EXT1: variants seen among roughly 807,000 people sequenced by gnomAD.
EXT1 encodes the protein exostosin glycosyltransferase 1, also known as exostosin-1.
Under a neutral mutation model 82.5 loss-of-function variants are expected in EXT1, and 20 were observed. The observed-to-expected ratio is 0.24, with a 90% CI of 0.17 to 0.35. The LOEUF (loss-of-function observed/expected upper bound fraction) is 0.35, where lower values mean the gene tolerates loss of function less well. Among genes scored for constraint, EXT1 ranks in the 10% least tolerant of loss-of-function variants. The pLI, the probability that EXT1 is intolerant of heterozygous loss-of-function variation, is 1.00. For missense variants in EXT1, 757 were observed against 936.5 expected (o/e 0.81, Z 2.50); for synonymous variants, 348 against 350.8 (o/e 0.99, Z 0.09).
chr8:117,848,886 AC>A (rs992568310), intron 1 of EXT1, among the ~76,000 whole-genome samples: 2 of 151,900 alleles, frequency 1.3e-5, no homozygotes, highest in Non-Finnish European at 1.5e-5. Context: ...TTCAAATGTC[AC>A]CCCCCCAGTC....
chr8:118,057,266 G>A (rs1008524248), intron 1 of EXT1, among the ~76,000 whole-genome samples: 7 of 152,188 alleles, frequency 4.6e-5, no homozygotes, highest in African/African-American at 1.4e-4. Flanking sequence ...TTGGCCAGGC[G>A]CAATGGCTCA....
chr8:117,844,882 A>G (rs1211437197), intron 1 of EXT1, among the ~76,000 whole-genome samples: 1 of 149,772 alleles, frequency 6.7e-6, no homozygotes, highest in East Asian at 2.0e-4. Context: ...TACTCAAGAC[A>G]GTTTTTTGCC....
chr8:118,047,217 GA>G (rs759001050), intron 1 of EXT1, among the ~76,000 whole-genome samples: 1 of 152,102 alleles, frequency 6.6e-6, no homozygotes, highest in Non-Finnish European at 1.5e-5. Context: ...TGGAGTGAAG[GA>G]ACCTGCATTG....
At chr8:118,091,898 T>C (rs1323811291) in intron 1 of EXT1, among the ~76,000 whole-genome samples, 1 of 152,178 alleles carries the variant, frequency 6.6e-6, no homozygotes, top group African/African-American at 2.4e-5. Context: ...TTTTCTGCAC[T>C]AAAAGGCCAC....
At chr8:117,957,371 G>A (rs1814608561) in intron 1 of EXT1, among the ~76,000 whole-genome samples, 1 of 152,208 alleles carries the variant, frequency 6.6e-6, no homozygotes, top group South Asian at 2.1e-4. Flanking sequence ...CCTCTAAAGA[G>A]ATGCTGGGGC....
At chr8:118,086,921 G>A (rs975648355) in intron 1 of EXT1, among the ~76,000 whole-genome samples, 2 of 152,152 alleles carry the variant, frequency 1.3e-5, no homozygotes, top group African/African-American at 4.8e-5. Context: ...AAAACCCCGT[G>A]TTTTGATTCA....
At chr8:117,897,211 G>A (rs1273232995) in intron 1 of EXT1, among the ~76,000 whole-genome samples, 1 of 152,332 alleles carries the variant, frequency 6.6e-6, no homozygotes, top group East Asian at 1.9e-4. Flanking sequence ...GTAACCTAGA[G>A]CTTGTAGAAA....
chr8:117,901,719 C>T (rs544159270), intron 1 of EXT1, among the ~76,000 whole-genome samples: 12 of 152,088 alleles, frequency 7.9e-5, no homozygotes, highest in African/African-American at 2.9e-4. Flanking sequence ...TGTTTTGAGA[C>T]AGGATGTCAC....
intron 1 of EXT1, among the ~76,000 whole-genome samples, chr8:118,046,291 G>A (rs926028303): frequency 7.9e-5 from 12 of 152,068 alleles, no homozygotes; most frequent in Non-Finnish European, 2.9e-5. Flanking sequence ...ACTTACTATT[G>A]ATGTTTTGGA....
chr8:117,845,136 A>C (rs923299217), intron 1 of EXT1, among the ~76,000 whole-genome samples: 3 of 152,164 alleles, frequency 2.0e-5, no homozygotes, highest in African/African-American at 7.2e-5. Context: ...ATTTCAGCAT[A>C]GGGAAGGGAG....
In EXT1 at chr8:118,111,654, C is replaced by T; in HGVS notation, c.-608G>A. 1 of 381,042 alleles carries T rather than the reference C, an allele frequency of 2.6e-6. No homozygotes were observed. Among genetic ancestry groups the T allele is most frequent in the Non-Finnish European group, 4.6e-6 (1 of 215,226 alleles). The allele number at this position is 381,042 out of a possible 1,614,324, so 23.6% of individuals were successfully genotyped here. On this transcript the variant is annotated 5_prime_UTR_variant, in exon 1 of 11. Coordinates refer to ENST00000378204, the MANE Select transcript of EXT1 (RefSeq NM_000127.3). Reference sequence around the variant, plus strand: ...AAGACTCCGGCGGTGTTTACTCCTGCGCTCGCGGGGCCGGCCCCCGGGACG... The same window carrying T: ...AAGACTCCGGCGGTGTTTACTCCTGTGCTCGCGGGGCCGGCCCCCGGGACG...
chr8:117,907,248 T>C (rs181147351), intron 1 of EXT1, among the ~76,000 whole-genome samples: 7 of 152,352 alleles, frequency 4.6e-5, no homozygotes, highest in Admixed American at 4.6e-4. Context: ...ATGCAATCAG[T>C]CCATCTAAGA....
chr8:118,063,379 G>A (rs549976319), intron 1 of EXT1, among the ~76,000 whole-genome samples: 3 of 152,290 alleles, frequency 2.0e-5, no homozygotes, highest in Admixed American at 6.5e-5. Flanking sequence ...GGCTTGCAGT[G>A]TTCATTGAAA....
At chr8:118,085,031 T>C (rs867373314) in intron 1 of EXT1, among the ~76,000 whole-genome samples, 2 of 152,228 alleles carry the variant, frequency 1.3e-5, no homozygotes, top group Admixed American at 6.5e-5. Context: ...TGAGCCTTTA[T>C]GGCTAACAAG....
At chr8:117,820,694 C>T (rs1811908837) in intron 5 of EXT1, among the ~76,000 whole-genome samples, 2 of 148,766 alleles carry the variant, frequency 1.3e-5, no homozygotes, top group Admixed American at 6.7e-5. Context: ...AAGACTCCGT[C>T]TTAGAAAAAA....
intron 8 of EXT1, among the ~76,000 whole-genome samples, chr8:117,809,671 C>T (rs922246896): frequency 2.6e-5 from 4 of 151,466 alleles, no homozygotes; most frequent in African/African-American, 4.8e-5. Flanking sequence ...GGAAAAAACC[C>T]GGGTGGTGGA....
Position 118,110,617 on chromosome 8 carries a change from AG to A in EXT1, c.429del (p.Tyr144ThrfsTer13). The A allele has an allele frequency of 6.2e-7, 1 of 1,614,218 alleles. No individual in the cohort carries two copies. Among genetic ancestry groups the A allele is most frequent in the Middle Eastern group, 1.6e-4 (1 of 6,062 alleles). On this transcript the variant is annotated frameshift_variant, in exon 1 of 11. Transcript: ENST00000378204. LOFTEE classifies it high-confidence loss of function. ...CACGCCTGGCTGGGGTCCGAGGTGT[AG>A]AACCTGGAGCCCTCGATGGCCGCTA... is the stretch of plus-strand genomic sequence containing the variant. Reference protein sequence around the residue: ...NILAAIEGSRFYTSDPSQACL... With the variant: ...NILAAIEGSRXYTSDPSQACL...
At chr8:117,946,224 A>T (rs1814385305) in intron 1 of EXT1, among the ~76,000 whole-genome samples, 1 of 152,150 alleles carries the variant, frequency 6.6e-6, no homozygotes, top group Non-Finnish European at 1.5e-5. Context: ...TGGATGAGGA[A>T]ACTGTAATCT....
intron 3 of EXT1, among the ~76,000 whole-genome samples, chr8:117,834,448 T>C (rs1812151533): frequency 6.6e-6 from 1 of 151,978 alleles, no homozygotes; most frequent in Admixed American, 6.6e-5. Flanking sequence ...CTACTACAAA[T>C]ACAAAAATTA....
Sources: allele counts gnomAD v4.1 joint callset (sites outside exome capture counted in the v4.1 genomes callset), GRCh38; gene constraint gnomAD v4.1.1; transcripts MANE v1.5; gene names NCBI Gene and HGNC (gene_info 2026-07-23, HGNC 2026-07-21).